Variants in COL4A3 observed in about 807,000 individuals in gnomAD.
COL4A3 encodes collagen alpha-3(IV) chain.
COL4A3 carries 135 observed loss-of-function variants against 217.4 expected under a neutral mutation model. The observed-to-expected ratio is 0.62, with a 90% CI of 0.54 to 0.72. The LOEUF is 0.72. COL4A3 is among the 30% of genes least tolerant of loss of function. The pLI is 0.00. For synonymous variants in COL4A3, 690 were observed against 736.3 expected (o/e 0.94, Z 1.02); for missense variants, 1,868 against 2,119.9 (o/e 0.88, Z 2.33).
At chr2:227,243,080 T>A (rs550211117) in intron 3 of COL4A3, among the ~76,000 whole-genome samples, 33 of 152,294 alleles carry the variant, frequency 2.2e-4, no homozygotes, top group African/African-American at 7.2e-4. Context: ...ATTCCGTTTT[T>A]AAAAAAATTG....
chr2:227,273,143 G>A (rs985048917), intron 26 of COL4A3, 26 bp downstream of exon 26: 1 of 1,611,816 alleles, frequency 6.2e-7, no homozygotes, highest in South Asian at 1.1e-5. Flanking sequence ...TTCCAGTCCT[G>A]TTTTCCGATG....
At chr2:227,213,901 C>CAAAAAAA (rs5839195) in intron 1 of COL4A3, among the ~76,000 whole-genome samples, 37 of 88,522 alleles carry the variant, frequency 4.2e-4, no homozygotes, top group East Asian at 8.9e-4. Flanking sequence ...AACTCTGTCT[C>CAAAAAAA]AAAAAAAAAA....
chr2:227,252,068 CA>C (rs796320850), intron 11 of COL4A3, among the ~76,000 whole-genome samples: 1,422 of 34,790 alleles, frequency 0.041, 2 homozygotes, highest in African/African-American at 0.051. Context: ...GGCACCATCT[CA>C]AAAAAAAAAA....
chr2:227,305,219 CA>C, intron 47 of COL4A3, 136 bp downstream of exon 47: 1 of 751,732 alleles, frequency 1.3e-6, no homozygotes, highest in East Asian at 2.8e-5. Context: ...GGCCAAGGAT[CA>C]AATGTTCATT....
chr2:227,181,840 TATTA>T (rs1231705874), intron 1 of COL4A3, among the ~76,000 whole-genome samples: 2 of 152,190 alleles, frequency 1.3e-5, no homozygotes, highest in African/African-American at 4.8e-5. Flanking sequence ...ATAGTAGAAT[TATTA>T]ATTAGAGTAA....
chr2:227,310,171 A>G (rs1015221228), intron 50 of COL4A3, among the ~76,000 whole-genome samples: 4 of 152,240 alleles, frequency 2.6e-5, no homozygotes, highest in African/African-American at 9.6e-5. Flanking sequence ...TTTTAAAGAA[A>G]AAGCTTTCAG....
intron 1 of COL4A3, among the ~76,000 whole-genome samples, chr2:227,236,926 G>A (rs986845855): frequency 6.6e-6 from 1 of 152,150 alleles, no homozygotes; most frequent in Admixed American, 6.5e-5. Context: ...CTCCCAAAGT[G>A]CTGGGATGAC....
At chr2:227,291,530 T>G (rs1423265610) in intron 37 of COL4A3, among the ~76,000 whole-genome samples, 1 of 117,488 alleles carries the variant, frequency 8.5e-6, no homozygotes, top group Non-Finnish European at 1.6e-5. Flanking sequence ...GCCACTGCAC[T>G]CCAACCTGGG....
chr2:227,246,046 A>G (rs147052575), intron 6 of COL4A3, 30 bp downstream of exon 6: 14 of 1,525,532 alleles, frequency 9.2e-6, no homozygotes, highest in Non-Finnish European at 9.1e-7. Context: ...AAGATGATTA[A>G]TAAATGCTTT....
intron 28 of COL4A3, 47 bp downstream of exon 28, chr2:227,277,600 G>C: frequency 8.9e-7 from 1 of 1,119,578 alleles, no homozygotes; most frequent in Non-Finnish European, 1.3e-6. Flanking sequence ...TGGATATTTA[G>C]AAGATGTTCA....
At chr2:227,292,880 TG>T (rs1294955924) in intron 37 of COL4A3, among the ~76,000 whole-genome samples, 4 of 152,210 alleles carry the variant, frequency 2.6e-5, no homozygotes, top group Admixed American at 6.5e-5. Context: ...GCTGGCTTCC[TG>T]GGTATGCTAC....
At position 227,282,551 on chromosome 2, in the gene COL4A3, C is replaced by T. The variant is rs1239700462; in HGVS notation, c.2656+19C>T. 1 of 1,610,684 alleles carries T rather than the reference C, an allele frequency of 6.2e-7. No individual in the cohort carries two copies. The highest frequency in any genetic ancestry group is 1.3e-5 in the African/African-American group (1 of 74,726). On this transcript the variant is annotated intron_variant, in intron 32 of 51. Transcript: ENST00000396578. This position sits in a 1 kb window ranked among gnomAD's most constrained non-coding sequence, Gnocchi z 4.4. ...CCACCAGGTATCCTTTTGTGTGTTT[C>T]TATTTTTCTTCTTATTTCTTCTTCT... is the stretch of plus-strand genomic sequence containing the variant.
At chr2:227,167,570 CTTGCCTTA>C (rs1395868480) in intron 1 of COL4A3, among the ~76,000 whole-genome samples, 1 of 152,210 alleles carries the variant, frequency 6.6e-6, no homozygotes, top group Non-Finnish European at 1.5e-5. Flanking sequence ...TATCCTTCTT[CTTGCCTTA>C]GCATTCCAGA....
chr2:227,237,438 A>G (rs2068763020), intron 1 of COL4A3, among the ~76,000 whole-genome samples: 1 of 152,222 alleles, frequency 6.6e-6, no homozygotes, highest in Non-Finnish European at 1.5e-5. Flanking sequence ...TGTCCAAGTA[A>G]TGGCACTAAC....
At chr2:227,212,501 A>C (rs2067365981) in intron 1 of COL4A3, among the ~76,000 whole-genome samples, 1 of 152,212 alleles carries the variant, frequency 6.6e-6, no homozygotes, top group Non-Finnish European at 1.5e-5. Context: ...CAATGCACTC[A>C]GCCTCTTTAT....
intron 1 of COL4A3, among the ~76,000 whole-genome samples, chr2:227,189,715 A>G (rs765471402): frequency 6.6e-6 from 1 of 152,206 alleles, no homozygotes; most frequent in Non-Finnish European, 1.5e-5. Flanking sequence ...ACCATTTTAC[A>G]TATATTTATT....
rs200452419 is a variant in COL4A3, at chr2:227,177,147, CT to C, written c.87+12351del. On this transcript the variant is annotated intron_variant, in intron 1 of 51. Coordinates refer to ENST00000396578, the MANE Select transcript of COL4A3 (RefSeq NM_000091.5). ...TTTTTGTGTCATTTATTTTTCTTTC[CT>C]TTTTTTTTTTTTTTTTCTCCAGATG... is the stretch of plus-strand genomic sequence containing the variant. Among the ~76,000 whole-genome samples the C allele has an allele frequency of 1.7e-3, 238 of 137,722 alleles. 1 individual carries two copies. Among genetic ancestry groups the C allele is most frequent in the South Asian group, 8.1e-3 (35 of 4,312 alleles). The allele number at this position is 137,722 out of a possible 152,430, so 90.4% of individuals were successfully genotyped here.
At chr2:227,267,245 C>A (rs917409793) in intron 23 of COL4A3, among the ~76,000 whole-genome samples, 157 bp downstream of exon 23, 1 of 152,168 alleles carries the variant, frequency 6.6e-6, no homozygotes, top group Admixed American at 6.5e-5. Flanking sequence ...TAAAGTCAGC[C>A]AAAATCCAAG....
chr2:227,243,722 A>G (rs955430151), intron 3 of COL4A3, among the ~76,000 whole-genome samples: 6 of 152,396 alleles, frequency 3.9e-5, no homozygotes, highest in Admixed American at 2.6e-4. Context: ...ATTTAAGCTT[A>G]TTCTCCAAGA....
Sources: gnomAD v4.1 joint callset for allele counts (sites outside exome capture counted in the v4.1 genomes callset) on GRCh38, gnomAD v4.1.1 for gene constraint, Gnocchi (gnomAD v3.1) non-coding constraint, MANE v1.5 for transcripts, NCBI Gene and HGNC (gene_info 2026-07-23, HGNC 2026-07-21) for gene names.